Variants in MAST4 observed in about 807,000 individuals in gnomAD.
MAST4 encodes the protein microtubule-associated serine/threonine-protein kinase 4.
A neutral mutation model predicts 162.7 loss-of-function variants in MAST4; 89 were observed. The ratio of observed to expected loss-of-function variants is 0.55; its 90% CI spans 0.46 to 0.65. The LOEUF (loss-of-function observed/expected upper bound fraction) is 0.65. Among genes scored for constraint, MAST4 ranks in the 30% least tolerant of loss-of-function variants. The pLI is 0.00. For missense variants in MAST4, 3,153 were observed against 3,374.0 expected (o/e 0.93, Z 1.62); for synonymous variants, 1,479 against 1,361.1 (o/e 1.09, Z -1.91).
intron 5 of MAST4, among the ~76,000 whole-genome samples, chr5:67,065,008 G>A (rs1249568011): frequency 6.6e-6 from 1 of 152,050 alleles, no homozygotes; most frequent in Non-Finnish European, 1.5e-5. Context: ...ATCTGGTGCA[G>A]CATATAATTA....
rs1774374513 is a variant in MAST4, at chr5:67,169,429, T to A, written c.*2378T>A. On this transcript the variant is annotated 3_prime_UTR_variant, in exon 29 of 29. Transcript: ENST00000403625. ...TGTGCTCCTTGGTAGTACTCCCAGC[T>A]GTAGATTTACCAGCTTAAAAGTTTG... 1 of 152,212 alleles carries A rather than the reference T, an allele frequency of 6.6e-6. No homozygotes were observed. The highest frequency in any genetic ancestry group is 1.5e-5 in the Non-Finnish European group (1 of 68,028). 9.4% of individuals were successfully genotyped at this position (152,212 alleles called of 1,614,324 possible).
intron 1 of MAST4, among the ~76,000 whole-genome samples, chr5:66,598,471 G>A (rs1191604582): frequency 6.6e-6 from 1 of 152,178 alleles, no homozygotes; most frequent in Non-Finnish European, 1.5e-5. Context: ...CGATCCTAGC[G>A]GCGGGATGTC....
At chr5:66,864,371 A>C (rs1290484385) in intron 3 of MAST4, among the ~76,000 whole-genome samples, 1 of 152,046 alleles carries the variant, frequency 6.6e-6, no homozygotes, top group Non-Finnish European at 1.5e-5. Flanking sequence ...GAGGTTTGGG[A>C]ACAGCGCAAA....
intron 4 of MAST4, among the ~76,000 whole-genome samples, chr5:66,972,671 T>C (rs1403888323): frequency 1.3e-5 from 2 of 152,222 alleles, no homozygotes; most frequent in Non-Finnish European, 2.9e-5. Context: ...TAGATTTGTG[T>C]AGTAGTAGCC....
At chr5:66,906,841 G>C (rs2149998943) in intron 4 of MAST4, among the ~76,000 whole-genome samples, 1 of 152,204 alleles carries the variant, frequency 6.6e-6, no homozygotes, top group South Asian at 2.1e-4. Flanking sequence ...TGCCTTTCTT[G>C]GTTAGGCACA....
intron 1 of MAST4, among the ~76,000 whole-genome samples, chr5:66,610,950 A>C (rs896033209): frequency 6.6e-6 from 1 of 152,266 alleles, no homozygotes; most frequent in African/African-American, 2.4e-5. Context: ...ACTGCTTTTC[A>C]GCTCATTTCT....
At chr5:66,648,103 A>ATT (rs1745983927) in intron 1 of MAST4, among the ~76,000 whole-genome samples, 1 of 144,336 alleles carries the variant, frequency 6.9e-6, no homozygotes, top group African/African-American at 2.6e-5. Context: ...AGAGAGAGAG[A>ATT]GATTTAGTAT....
At chr5:66,694,259 C>T (rs1749248510) in intron 1 of MAST4, among the ~76,000 whole-genome samples, 1 of 152,134 alleles carries the variant, frequency 6.6e-6, no homozygotes, top group Non-Finnish European at 1.5e-5. Flanking sequence ...TGTCTGGGAA[C>T]CATGACATTG....
intron 3 of MAST4, among the ~76,000 whole-genome samples, chr5:66,855,811 G>GGCTTACATGGTTTTGGAGAAT (rs1230918872): frequency 6.6e-6 from 1 of 152,148 alleles, no homozygotes; most frequent in Non-Finnish European, 1.5e-5. Flanking sequence ...GGCCTTAGTA[G>GGCTTACATGGTTTTGGAGAAT]GCTTACATGG....
intron 6 of MAST4, chr5:67,094,109 T>G: frequency 3.0e-6 from 4 of 1,326,528 alleles, no homozygotes; most frequent in Non-Finnish European, 4.1e-6. Context: ...TTACTTTGCT[T>G]CTTTTTTTTA....
At chr5:66,803,200 C>A (rs1314630623) in intron 3 of MAST4, among the ~76,000 whole-genome samples, 2 of 152,124 alleles carry the variant, frequency 1.3e-5, no homozygotes, top group Non-Finnish European at 1.5e-5. Context: ...GGGTGTATTT[C>A]TCTATATACA....
intron 3 of MAST4, among the ~76,000 whole-genome samples, chr5:66,850,556 C>T (rs562829559): frequency 9.2e-5 from 14 of 152,176 alleles, no homozygotes; most frequent in African/African-American, 2.4e-4. Context: ...TACCTGATCT[C>T]GTGTGTGGAT....
intron 1 of MAST4, among the ~76,000 whole-genome samples, chr5:66,720,402 AG>A (rs1280879149): frequency 6.6e-6 from 1 of 152,164 alleles, no homozygotes; most frequent in East Asian, 1.9e-4. Flanking sequence ...ATTTCCATAT[AG>A]TTATTGAATT....
chr5:66,694,933 G>A (rs879606329), intron 1 of MAST4, among the ~76,000 whole-genome samples: 1 of 151,996 alleles, frequency 6.6e-6, no homozygotes, highest in Non-Finnish European at 1.5e-5. Flanking sequence ...TTGTTAGATG[G>A]ATAGATGGCA....
chr5:67,059,745 G>A (rs1290399076), intron 5 of MAST4, among the ~76,000 whole-genome samples: 1 of 151,852 alleles, frequency 6.6e-6, no homozygotes, highest in Non-Finnish European at 1.5e-5. Context: ...TCACTTTTCT[G>A]TTGGGCAATT....
At chr5:66,766,273 T>G (rs1451184789) in intron 2 of MAST4, among the ~76,000 whole-genome samples, 6 of 151,592 alleles carry the variant, frequency 4.0e-5, no homozygotes, top group African/African-American at 1.2e-4. Context: ...GAGAGTTGTG[T>G]TTTTTTTCCC....
At chr5:67,066,975 A>G (rs1161809180) in intron 5 of MAST4, among the ~76,000 whole-genome samples, 1 of 152,242 alleles carries the variant, frequency 6.6e-6, no homozygotes, top group Admixed American at 6.5e-5. Context: ...AGCTGAAACA[A>G]TAGCCAGTTG....
chr5:67,108,421 A>G (rs1026075987), intron 10 of MAST4, among the ~76,000 whole-genome samples: 1 of 152,158 alleles, frequency 6.6e-6, no homozygotes, highest in African/African-American at 2.4e-5. Context: ...ATGTAACCGT[A>G]TTTTTTGGCA....
At chr5:66,910,848 G>A (rs1419978561) in intron 4 of MAST4, among the ~76,000 whole-genome samples, 2 of 147,994 alleles carry the variant, frequency 1.4e-5, no homozygotes, top group Admixed American at 1.4e-4. Flanking sequence ...CCTCCCTTCA[G>A]GCGATTCTCC....
Sources: allele counts gnomAD v4.1 joint callset (sites outside exome capture counted in the v4.1 genomes callset), GRCh38; gene constraint gnomAD v4.1.1; transcripts MANE v1.5; gene names NCBI Gene and HGNC (gene_info 2026-07-23, HGNC 2026-07-21).